NRG1: variants seen among roughly 807,000 people sequenced by gnomAD.
The protein encoded by NRG1 is pro-neuregulin-1, membrane-bound isoform.
A neutral mutation model predicts 63.8 loss-of-function variants in NRG1; 18 were observed. The ratio of observed to expected loss-of-function variants is 0.28; its 90% CI spans 0.19 to 0.42. NRG1 has a LOEUF of 0.42. Ranked by LOEUF, NRG1 falls within the 10% of genes least tolerant of loss-of-function variation. The pLI is 1.00. For synonymous variants in NRG1, 302 were observed against 301.3 expected (o/e 1.00, Z -0.02); for missense variants, 762 against 814.7 (o/e 0.94, Z 0.79).
chr8:31,888,032 A>G (rs1830857540), intron 1 of NRG1, among the ~76,000 whole-genome samples: 1 of 151,668 alleles, frequency 6.6e-6, no homozygotes, highest in African/African-American at 2.4e-5. Context: ...TGTAATTGAT[A>G]TGTTACATAT....
chr8:32,454,858 G>A (rs1032762225), intron 1 of NRG1, among the ~76,000 whole-genome samples: 1 of 152,088 alleles, frequency 6.6e-6, no homozygotes, highest in African/African-American at 2.4e-5. Context: ...AGTCCTGCAA[G>A]CTCCATTCAT....
Position 32,761,378 on chromosome 8 carries a change from A to G in NRG1, c.1259+972A>G, listed in dbSNP as rs187511260. 9.9e-4 allele frequency among the ~76,000 whole-genome samples: 151 copies of G among 152,196 alleles called. No homozygotes were observed. In the Middle Eastern group the frequency reaches 0.024, roughly 24 times the overall value. ...TGTGGTAGTTACATGGGAGGAGATG[A>G]CTTTGATAGAGTCTTTCCACTCTTG... On this transcript the variant is annotated intron_variant, in intron 11 of 11. Coordinates refer to ENST00000356819, the Ensembl canonical transcript of NRG1.
chr8:31,655,172 T>G (rs1388373614), intron 1 of NRG1, among the ~76,000 whole-genome samples: 3 of 152,210 alleles, frequency 2.0e-5, no homozygotes, highest in Non-Finnish European at 4.4e-5. Context: ...TTTCATTTAC[T>G]TATTCAGCAA....
chr8:32,280,691 G>GGTTTTTTTTTT (rs1852633556), intron 1 of NRG1, among the ~76,000 whole-genome samples: 3 of 57,628 alleles, frequency 5.2e-5, no homozygotes, highest in African/African-American at 1.1e-4. Flanking sequence ...TTTTTTTTTT[G>GGTTTTTTTTTT]TTTTTTTTTT....
At chr8:31,915,644 A>T (rs1281122359) in intron 1 of NRG1, among the ~76,000 whole-genome samples, 2 of 152,134 alleles carry the variant, frequency 1.3e-5, no homozygotes, top group African/African-American at 4.8e-5. Context: ...AGTACACAGA[A>T]TTCATCTCTA....
chr8:32,765,479 G>A (rs1282056337), exon 12 of NRG1: 2 of 152,174 alleles, frequency 1.3e-5, no homozygotes, highest in Non-Finnish European at 2.9e-5. Flanking sequence ...CCATCGTAGA[G>A]TGTTCAGAAG....
At chr8:32,235,413 T>G (rs1847439706) in intron 1 of NRG1, among the ~76,000 whole-genome samples, 1 of 151,932 alleles carries the variant, frequency 6.6e-6, no homozygotes, top group African/African-American at 2.4e-5. Flanking sequence ...AAAACAGCTG[T>G]ATGGTTTGGA....
chr8:32,598,423 A>C (rs1159982931), intron 2 of NRG1, among the ~76,000 whole-genome samples: 1 of 152,150 alleles, frequency 6.6e-6, no homozygotes, highest in African/African-American at 2.4e-5. Flanking sequence ...GTACATGTAT[A>C]CTTAAAGAGG....
At chr8:32,054,490 G>T (rs1822516939) in intron 1 of NRG1, among the ~76,000 whole-genome samples, 1 of 152,184 alleles carries the variant, frequency 6.6e-6, no homozygotes, top group Non-Finnish European at 1.5e-5. Context: ...GAAGCTTTAA[G>T]CTCCAAGGAT....
At chr8:31,858,288 G>A (rs1421287501) in intron 1 of NRG1, among the ~76,000 whole-genome samples, 3 of 149,922 alleles carry the variant, frequency 2.0e-5, no homozygotes, top group Non-Finnish European at 4.4e-5. Flanking sequence ...AACAGAGTGA[G>A]ACTCCGTCTC....
intron 1 of NRG1, among the ~76,000 whole-genome samples, chr8:31,801,512 A>T (rs1821786591): frequency 6.6e-6 from 1 of 152,148 alleles, no homozygotes; most frequent in South Asian, 2.1e-4. Flanking sequence ...CATTTTCTTG[A>T]CAGAGTTTTG....
chr8:32,741,975 T>C (rs762328741), intron 6 of NRG1, 33 bp from the exon 7 acceptor site: 2 of 1,549,702 alleles, frequency 1.3e-6, no homozygotes, highest in East Asian at 4.5e-5. Context: ...TCTTTAGCAT[T>C]TTTTTTTTGC....
chr8:31,669,184 T>G (rs1806850833), intron 1 of NRG1, among the ~76,000 whole-genome samples: 1 of 151,642 alleles, frequency 6.6e-6, no homozygotes, highest in Non-Finnish European at 1.5e-5. Flanking sequence ...GCCTCCCTAG[T>G]AGATGGGATG....
chr8:32,386,256 C>T (rs1811010830), intron 1 of NRG1, among the ~76,000 whole-genome samples: 1 of 152,192 alleles, frequency 6.6e-6, no homozygotes, highest in Non-Finnish European at 1.5e-5. Flanking sequence ...CATGTGCCAC[C>T]ACATCTGGCC....
intron 1 of NRG1, among the ~76,000 whole-genome samples, chr8:32,012,858 T>C (rs1294499787): frequency 1.3e-5 from 2 of 152,252 alleles, no homozygotes; most frequent in East Asian, 3.9e-4. Flanking sequence ...TATTTGTGAG[T>C]GAGAGGGAGA....
downstream of NRG1, among the ~76,000 whole-genome samples, chr8:32,770,019 A>C (rs746193931): frequency 1.1e-4 from 17 of 152,218 alleles, no homozygotes; most frequent in Non-Finnish European, 1.8e-4. Context: ...AAGAAGAGAC[A>C]GAGAATGGGA....
chr8:32,240,438 C>T (rs757033307), intron 1 of NRG1, among the ~76,000 whole-genome samples: 4 of 152,024 alleles, frequency 2.6e-5, no homozygotes, highest in Non-Finnish European at 4.4e-5. Context: ...TCCATAAAAA[C>T]GTTGCGCCAG....
At chr8:32,584,514 A>G (rs981811046) in intron 1 of NRG1, among the ~76,000 whole-genome samples, 1 of 152,312 alleles carries the variant, frequency 6.6e-6, no homozygotes, top group East Asian at 1.9e-4. Flanking sequence ...TAACTTTGAT[A>G]TTGTAGGCCT....
At chr8:32,628,252 C>G (rs1215268657) in intron 5 of NRG1, among the ~76,000 whole-genome samples, 1 of 152,108 alleles carries the variant, frequency 6.6e-6, no homozygotes, top group Non-Finnish European at 1.5e-5. Context: ...TTACATATAT[C>G]TGAGAGAAAA....
Sources: gnomAD v4.1 joint callset for allele counts (sites outside exome capture counted in the v4.1 genomes callset) on GRCh38, gnomAD v4.1.1 for gene constraint, MANE v1.5 for transcripts, NCBI Gene and HGNC (gene_info 2026-07-23, HGNC 2026-07-21) for gene names.